The following FAM234B variants were observed in gnomAD, a reference collection of about 807,000 sequenced individuals.
FAM234B encodes the protein protein FAM234B.
FAM234B carries 33 observed loss-of-function variants against 69.3 expected under a neutral mutation model. The observed-to-expected ratio is 0.48, with a 90% confidence interval of 0.36 to 0.64. The LOEUF (loss-of-function observed/expected upper bound fraction) is 0.64. Among genes scored for constraint, FAM234B ranks in the 30% least tolerant of loss-of-function variants. The pLI is 0.00. For synonymous variants in FAM234B, 306 were observed against 306.9 expected (o/e 1.00, Z 0.03); for missense variants, 697 against 769.7 (o/e 0.91, Z 1.12).
At chr12:13,053,124 C>A (rs1220916374) in intron 1 of FAM234B, among the ~76,000 whole-genome samples, 2 of 151,468 alleles carry the variant, frequency 1.3e-5, no homozygotes, top group African/African-American at 4.9e-5. Context: ...TAATTTGTGC[C>A]CTTAAAAATC....
chr12:13,051,979 A>T (rs1381467070), intron 1 of FAM234B, among the ~76,000 whole-genome samples: 4 of 152,244 alleles, frequency 2.6e-5, no homozygotes, highest in Non-Finnish European at 5.9e-5. Context: ...AGGGAAATTG[A>T]TGCTCAATAA....
chr12:13,050,727 A>G (rs1864867132), intron 1 of FAM234B, among the ~76,000 whole-genome samples: 1 of 152,124 alleles, frequency 6.6e-6, no homozygotes, highest in East Asian at 1.9e-4. Flanking sequence ...GGGGGATAAT[A>G]ATAATAATAA....
intron 6 of FAM234B, 97 bp downstream of exon 6, chr12:13,066,884 C>T (rs1865045070): frequency 7.4e-7 from 1 of 1,347,182 alleles, no homozygotes; most frequent in African/African-American, 1.5e-5. Flanking sequence ...ACTCCTGACA[C>T]CAGCCTTCCC....
Position 13,079,988 on chromosome 12 carries a change from G to GT in FAM234B, c.1845dup (p.Val616CysfsTer2), listed in dbSNP as rs750052080. On this transcript the variant is annotated frameshift_variant, in exon 12 of 13. Transcript: ENST00000197268. LOFTEE classifies it high-confidence loss of function. ...TGCGAAGATTTCTCTCTAGGATAAA[G>GT]TTTGTTGAAGCTCCCTACGAGGTGA... 3 of 1,606,306 alleles carry GT rather than the reference G, an allele frequency of 1.9e-6. No homozygotes were observed. In the South Asian group the frequency reaches 3.3e-5, roughly 18 times the overall value.
chr12:13,080,361 A>G (rs150146620), intron 12 of FAM234B, among the ~76,000 whole-genome samples: 2 of 152,290 alleles, frequency 1.3e-5, no homozygotes, highest in Non-Finnish European at 2.9e-5. Flanking sequence ...CATACTACAA[A>G]GAATCATCTT....
At chr12:13,048,842 G>C (rs765492488) in intron 1 of FAM234B, among the ~76,000 whole-genome samples, 1 of 152,204 alleles carries the variant, frequency 6.6e-6, no homozygotes, top group African/African-American at 2.4e-5. Flanking sequence ...CACAATCATG[G>C]TGGAAGGTAA....
rs1865243890 is a variant in FAM234B at position 13,082,283 on chromosome 12, T to G, written c.*1653T>G. 1 of 152,140 alleles carries G rather than the reference T, an allele frequency of 6.6e-6. No homozygotes were observed. The highest frequency in any genetic ancestry group is 6.6e-5 in the Admixed American group (1 of 15,266). The allele number at this position is 152,140 out of a possible 1,614,324, so 9.4% of individuals were successfully genotyped here. A position where few individuals can be genotyped will look rare whatever the true frequency, so the allele number is the denominator to read the frequency against. On this transcript the variant is annotated 3_prime_UTR_variant, in exon 13 of 13. Coordinates refer to ENST00000197268, the MANE Select transcript of FAM234B (RefSeq NM_020853.2). Reference sequence around the variant, plus strand: ...CCCGGCTGGGCTTGTATCTTTTAGCTTGTGTTAGTAAAAGGATTCTAGAAA... The same window carrying G: ...CCCGGCTGGGCTTGTATCTTTTAGCGTGTGTTAGTAAAAGGATTCTAGAAA...
chr12:13,064,711 C>A (rs1393956826), intron 5 of FAM234B, among the ~76,000 whole-genome samples: 2 of 152,280 alleles, frequency 1.3e-5, no homozygotes, highest in Middle Eastern at 6.8e-3. Flanking sequence ...TGTAGAGGCA[C>A]TAGGTATATA....
In FAM234B at chr12:13,044,482, G is replaced by A. The variant is rs1292738010; in HGVS notation, c.37+42G>A. On this transcript the variant is annotated intron_variant, in intron 1 of 12. Coordinates refer to ENST00000197268, the MANE Select transcript of FAM234B (RefSeq NM_020853.2). This position sits in a 1 kb window ranked among gnomAD's most constrained non-coding sequence, Gnocchi z 5.6. The stretch of plus-strand genomic sequence containing the variant: ...TTGCGACCACCCAGTCCCCGCCGGT[G>A]TTGGAATAAGGGGAGGCGAGGCTCT... The A allele has an allele frequency of 6.5e-7, 1 of 1,548,468 alleles. No homozygotes were observed.
rs999467814 is a variant in FAM234B at position 13,082,701 on chromosome 12, T to G, written c.*2071T>G. ...GTGGTCCTGTGGTTTGGCTGAGCTG[T>G]CCGGGCATAACCTGGTTCTCTGTTA... On this transcript the variant is annotated 3_prime_UTR_variant, in exon 13 of 13. Coordinates refer to ENST00000197268, the MANE Select transcript of FAM234B (RefSeq NM_020853.2). 1.3e-5 allele frequency: 2 copies of G among 152,196 alleles called. No homozygotes were observed. Among genetic ancestry groups the G allele is most frequent in the Non-Finnish European group, 2.9e-5 (2 of 68,042 alleles). The allele number at this position is 152,196 out of a possible 1,614,324, so 9.4% of individuals were successfully genotyped here.
chr12:13,061,570 T>G lies in FAM234B; in HGVS notation c.533-5T>G. ...CCTTTTTTTATCTCTCTTGTGTGCT[T>G]TTAGGTGTCTCAAGACCAGCTGCTA... On this transcript the variant is annotated splice_region_variant and splice_polypyrimidine_tract_variant and intron_variant, in intron 3 of 12. Transcript: ENST00000197268. The G allele has an allele frequency of 1.2e-6, 2 of 1,608,854 alleles. No individual in the cohort carries two copies. The highest frequency in any genetic ancestry group is 1.7e-6 in the Non-Finnish European group (2 of 1,176,552).
chr12:13,076,183 G>A (rs1865159004), intron 11 of FAM234B, 40 bp downstream of exon 11: 2 of 1,430,372 alleles, frequency 1.4e-6, no homozygotes, highest in East Asian at 4.6e-5. Flanking sequence ...TACGCAGATG[G>A]TGGGAGAGTA....
Position 13,080,710 on chromosome 12 carries a change from T to C in FAM234B, c.*80T>C. 1 of 1,242,338 alleles carries C rather than the reference T, an allele frequency of 8.0e-7. No homozygotes were observed. 77.0% of individuals were successfully genotyped at this position (1,242,338 alleles called of 1,614,324 possible). On this transcript the variant is annotated 3_prime_UTR_variant, in exon 13 of 13. Coordinates refer to ENST00000197268, the MANE Select transcript of FAM234B (RefSeq NM_020853.2). The stretch of plus-strand genomic sequence containing the variant: ...TCTCCTGTCACTGTAAAATCAGTTC[T>C]ATGGAGAGAAGACTTCTTCGTCCTC...
At chr12:13,070,172 G>GATATATATATATATAT (rs66463903) in intron 9 of FAM234B, among the ~76,000 whole-genome samples, 14 of 139,760 alleles carry the variant, frequency 1.0e-4, no homozygotes, top group African/African-American at 3.4e-4. Context: ...ATTAAAAAAA[G>GATATATATATATATAT]ATATATATAT....
chr12:13,050,820 G>GCACTC (rs1373725574), intron 1 of FAM234B, among the ~76,000 whole-genome samples: 4 of 152,216 alleles, frequency 2.6e-5, no homozygotes, highest in South Asian at 4.2e-4. Context: ...GGGACAGTAG[G>GCACTC]CACTCAATAC....
chr12:13,046,149 TGCGTCTACGGCCATACCACCCTG>T (rs1864808904), intron 1 of FAM234B, among the ~76,000 whole-genome samples: 1 of 94,332 alleles, frequency 1.1e-5, no homozygotes, highest in Non-Finnish European at 2.0e-5. Context: ...AATGTTCACT[TGCGTCTACGGCCATACCACCCTG>T]AACGCGCCCG....
At chr12:13,074,048 C>T (rs564447799) in intron 10 of FAM234B, among the ~76,000 whole-genome samples, 25 of 152,158 alleles carry the variant, frequency 1.6e-4, no homozygotes, top group Non-Finnish European at 2.9e-4. Context: ...ACCTTTTTGG[C>T]AGAATTTGTG....
At chr12:13,079,759 T>C (rs1280604967) in intron 11 of FAM234B, 30 bp from the exon 12 acceptor site, 1 of 1,444,636 alleles carries the variant, frequency 6.9e-7, no homozygotes, top group Non-Finnish European at 9.7e-7. Context: ...TGTGTCCATG[T>C]TAACTGCTCT....
chr12:13,073,446 C>T (rs1565511767), intron 10 of FAM234B, among the ~76,000 whole-genome samples: 1 of 152,240 alleles, frequency 6.6e-6, no homozygotes, highest in Non-Finnish European at 1.5e-5. Flanking sequence ...TTGGGCATCC[C>T]TCCAAAATAC....
Sources: allele counts gnomAD v4.1 joint callset (sites outside exome capture counted in the v4.1 genomes callset), GRCh38; gene constraint gnomAD v4.1.1; non-coding constraint Gnocchi (gnomAD v3.1); transcripts MANE v1.5; gene names NCBI Gene and HGNC (gene_info 2026-07-23, HGNC 2026-07-21).